The following GPC5 variants were observed in gnomAD, a reference collection of about 807,000 sequenced individuals.
The protein encoded by GPC5 is glypican 5.
GPC5 carries 47 observed loss-of-function variants against 53.9 expected under a neutral mutation model. The ratio of observed to expected loss-of-function variants is 0.87; its 90% CI spans 0.69 to 1.11. GPC5 has a LOEUF of 1.11. Among genes scored for constraint, GPC5 ranks in the 50% most tolerant of loss-of-function variants. GPC5 has a pLI of 0.00. For missense variants in GPC5, 748 were observed against 713.1 expected, an observed-to-expected ratio of 1.05 and a Z score of -0.56; for synonymous variants, 286 against 263.3, an observed-to-expected ratio of 1.09 and a Z score of -0.84.
intron 1 of GPC5, among the ~76,000 whole-genome samples, chr13:91,412,418 TA>T (rs1877874582): frequency 6.6e-6 from 1 of 152,202 alleles, no homozygotes; most frequent in Non-Finnish European, 1.5e-5. Context: ...ATAACTTCTG[TA>T]CAATAAAATA....
At chr13:92,744,030 G>T (rs889846889) in intron 7 of GPC5, among the ~76,000 whole-genome samples, 2 of 152,078 alleles carry the variant, frequency 1.3e-5, no homozygotes, top group Non-Finnish European at 2.9e-5. Flanking sequence ...CGGTGGAGTG[G>T]CAGGGAGGAT....
At chr13:92,747,923 A>G (rs1889278774) in intron 7 of GPC5, among the ~76,000 whole-genome samples, 1 of 152,214 alleles carries the variant, frequency 6.6e-6, no homozygotes, top group Non-Finnish European at 1.5e-5. Flanking sequence ...TAAGATGTAA[A>G]GCCACTTTGA....
chr13:92,685,570 T>TTAA (rs1197884991), intron 7 of GPC5, among the ~76,000 whole-genome samples: 4 of 143,986 alleles, frequency 2.8e-5, no homozygotes, highest in African/African-American at 5.2e-5. Context: ...ATTTTTTTTT[T>TTAA]TTTTATTATA....
chr13:91,745,739 AT>A (rs1297943732), intron 4 of GPC5, among the ~76,000 whole-genome samples: 3 of 150,996 alleles, frequency 2.0e-5, no homozygotes, highest in Non-Finnish European at 2.9e-5. Context: ...TGGAAAAAAA[AT>A]TTTTTTTCTT....
intron 7 of GPC5, among the ~76,000 whole-genome samples, chr13:92,258,988 T>G (rs535626817): frequency 1.3e-5 from 2 of 152,206 alleles, no homozygotes; most frequent in Non-Finnish European, 2.9e-5. Context: ...AATTTACGTC[T>G]TGTGAGATAG....
At chr13:91,903,981 G>A (rs528654652) in intron 5 of GPC5, among the ~76,000 whole-genome samples, 1 of 151,938 alleles carries the variant, frequency 6.6e-6, no homozygotes, top group Non-Finnish European at 1.5e-5. Context: ...TATTATGTCT[G>A]TATTTTCTGG....
intron 7 of GPC5, among the ~76,000 whole-genome samples, chr13:92,547,044 A>G (rs549773277): frequency 6.6e-6 from 1 of 152,232 alleles, no homozygotes. Context: ...CTTAAATTTT[A>G]GACCTAAAAC....
chr13:91,816,351 T>G (rs1266943752), intron 5 of GPC5, among the ~76,000 whole-genome samples: 1 of 152,148 alleles, frequency 6.6e-6, no homozygotes, highest in Non-Finnish European at 1.5e-5. Flanking sequence ...CGGTTGTGCT[T>G]CTTTCTTTCA....
intron 7 of GPC5, among the ~76,000 whole-genome samples, chr13:92,410,978 T>C (rs1876015483): frequency 6.6e-6 from 1 of 152,230 alleles, no homozygotes; most frequent in Non-Finnish European, 1.5e-5. Context: ...CCCATGCCTA[T>C]AATCCCAGTA....
intron 2 of GPC5, among the ~76,000 whole-genome samples, chr13:91,488,468 A>T (rs940419331): frequency 2.0e-5 from 3 of 152,190 alleles, no homozygotes; most frequent in South Asian, 2.1e-4. Flanking sequence ...ATGGCAGAAG[A>T]ACGTAAATTG....
At chr13:92,624,278 C>T (rs1354829586) in intron 7 of GPC5, among the ~76,000 whole-genome samples, 1 of 152,026 alleles carries the variant, frequency 6.6e-6, no homozygotes, top group African/African-American at 2.4e-5. Context: ...CCCTGTTGGC[C>T]AGGCTGGTCT....
intron 2 of GPC5, among the ~76,000 whole-genome samples, chr13:91,679,498 G>T (rs563759473): frequency 8.3e-4 from 126 of 152,264 alleles, no homozygotes; most frequent in Admixed American, 4.5e-3. Context: ...GTGGTCTGGG[G>T]TTCCGGAAAC....
At chr13:92,108,244 A>G (rs2041525595) in intron 6 of GPC5, among the ~76,000 whole-genome samples, 1 of 152,224 alleles carries the variant, frequency 6.6e-6, no homozygotes, top group African/African-American at 2.4e-5. Context: ...TATTATGTCA[A>G]CTGCGTGATG....
chr13:92,733,232 T>G (rs1021049611), intron 7 of GPC5, among the ~76,000 whole-genome samples: 16 of 151,698 alleles, frequency 1.1e-4, no homozygotes, highest in Non-Finnish European at 2.1e-4. Context: ...ACAATGAAGA[T>G]GTAGAGGAGC....
At chr13:92,525,057 T>C (rs1881219551) in intron 7 of GPC5, among the ~76,000 whole-genome samples, 1 of 152,076 alleles carries the variant, frequency 6.6e-6, no homozygotes, top group Non-Finnish European at 1.5e-5. Context: ...CCATCTTAAA[T>C]GCAAGTGATT....
intron 7 of GPC5, among the ~76,000 whole-genome samples, chr13:92,819,748 G>A (rs1459287273): frequency 1.3e-5 from 2 of 152,072 alleles, no homozygotes; most frequent in Non-Finnish European, 2.9e-5. Context: ...GTGGTACAGT[G>A]TTGTTTACTA....
chr13:92,768,515 G>A (rs1288887010), intron 7 of GPC5, among the ~76,000 whole-genome samples: 1 of 152,008 alleles, frequency 6.6e-6, no homozygotes, highest in Non-Finnish European at 1.5e-5. Context: ...TACATATAAT[G>A]TTAATTTAAT....
At chr13:92,467,221 C>T (rs143141050) in intron 7 of GPC5, among the ~76,000 whole-genome samples, 1 of 152,014 alleles carries the variant, frequency 6.6e-6, no homozygotes, top group Non-Finnish European at 1.5e-5. Flanking sequence ...CCTTTTTCTT[C>T]GGAGCTTTTC....
chr13:91,858,596 T>C (rs1411565640), intron 5 of GPC5, among the ~76,000 whole-genome samples: 1 of 152,074 alleles, frequency 6.6e-6, no homozygotes, highest in Non-Finnish European at 1.5e-5. Flanking sequence ...TTTGCGTCAA[T>C]GTTCACCAGG....
Sources: allele counts gnomAD v4.1 joint callset (sites outside exome capture counted in the v4.1 genomes callset), GRCh38; gene constraint gnomAD v4.1.1; transcripts MANE v1.5; gene names NCBI Gene and HGNC (gene_info 2026-07-23, HGNC 2026-07-21).